Variants in CPNE3 observed in about 807,000 individuals in gnomAD.
CPNE3 encodes copine 3.
CPNE3 carries 68 observed loss-of-function variants against 63.9 expected under a neutral mutation model. The ratio of observed to expected loss-of-function variants is 1.06; its 90% CI spans 0.87 to 1.30. CPNE3 has a LOEUF of 1.30. Ranked by LOEUF, CPNE3 falls within the 50% of genes most tolerant of loss-of-function variation. The pLI, the probability that CPNE3 is intolerant of heterozygous loss-of-function variation, is 0.00. For synonymous variants in CPNE3, 219 were observed against 197.5 expected, an observed-to-expected ratio of 1.11 and a Z score of -0.91; for missense variants, 665 against 578.1, an observed-to-expected ratio of 1.15 and a Z score of -1.54.
At chr8:86,519,112 A>G (rs1024760468) in intron 2 of CPNE3, among the ~76,000 whole-genome samples, 5 of 152,332 alleles carry the variant, frequency 3.3e-5, no homozygotes, top group Middle Eastern at 3.4e-3. Flanking sequence ...AAATGAACCT[A>G]TGATGAACTG....
chr8:86,548,348 C>T lies in CPNE3; in HGVS notation c.927C>T (p.Asp309=). The T allele has an allele frequency of 6.2e-7, 1 of 1,614,104 alleles. No individual in the cohort carries two copies. The highest frequency in any genetic ancestry group is 8.5e-7 in the Non-Finnish European group (1 of 1,179,962). Residue 309 remains aspartate, a synonymous_variant, in exon 12 of 17, where the codon GAC becomes GAT. Transcript: ENST00000517490. ...TGSNGDPRSP[D]SLHYISPNGV... is the part of the protein sequence containing the mutation. ...CCAATGGTGACCCAAGGTCTCCAGACTCCCTTCATTACATCAGCCCCAATG... is the reference window on the plus strand; with the variant it reads ...CCAATGGTGACCCAAGGTCTCCAGATTCCCTTCATTACATCAGCCCCAATG...
Position 86,536,419 on chromosome 8 carries a change from A to G in CPNE3, c.460-1144A>G, listed in dbSNP as rs372404064. Among the ~76,000 whole-genome samples the G allele has an allele frequency of 4.6e-5, 7 of 151,576 alleles. No homozygotes were observed. The East Asian group carries it at 7.7e-4, about 17-fold the overall frequency. On this transcript the variant is annotated intron_variant, in intron 6 of 16. Transcript: ENST00000517490. ...CTAGCAACTTAACCTTCAAACAAGT[A>G]TTGGTTTTTAGCCTTCAAAATAATA... is the stretch of plus-strand genomic sequence containing the variant.
At chr8:86,551,985 A>G (rs1031311763) in intron 14 of CPNE3, among the ~76,000 whole-genome samples, 3 of 152,140 alleles carry the variant, frequency 2.0e-5, no homozygotes, top group Non-Finnish European at 2.9e-5. Flanking sequence ...TTTTTTCCTT[A>G]TACCTCAAGT....
intron 2 of CPNE3, among the ~76,000 whole-genome samples, chr8:86,519,067 C>T (rs1820376651): frequency 6.6e-6 from 1 of 152,164 alleles, no homozygotes; most frequent in Non-Finnish European, 1.5e-5. Flanking sequence ...TGGCCCAACC[C>T]TGCTTCTATT....
At chr8:86,557,241 C>T (rs1226036045) in intron 16 of CPNE3, among the ~76,000 whole-genome samples, 1 of 152,164 alleles carries the variant, frequency 6.6e-6, no homozygotes, top group East Asian at 1.9e-4. Context: ...TCAAGTGATT[C>T]TCATGCCTCA....
intron 2 of CPNE3, among the ~76,000 whole-genome samples, chr8:86,517,896 T>C (rs1820350991): frequency 6.6e-6 from 1 of 152,226 alleles, no homozygotes; most frequent in Non-Finnish European, 1.5e-5. Flanking sequence ...AATAGTACTA[T>C]TAAACTGCTC....
At chr8:86,536,838 C>A (rs1046140442) in intron 6 of CPNE3, among the ~76,000 whole-genome samples, 6 of 152,098 alleles carry the variant, frequency 3.9e-5, no homozygotes, top group African/African-American at 1.4e-4. Context: ...TGAATTTTAT[C>A]TCTCTGTATG....
intron 2 of CPNE3, among the ~76,000 whole-genome samples, chr8:86,526,160 G>C (rs1012240710): frequency 3.9e-5 from 6 of 152,052 alleles, no homozygotes; most frequent in Non-Finnish European, 7.4e-5. Context: ...CCTGGGAGGC[G>C]GAGGCTACAG....
intron 2 of CPNE3, among the ~76,000 whole-genome samples, chr8:86,523,641 A>C (rs6651268): frequency 0.24 from 36,224 of 152,128 alleles, 4,488 homozygotes; most frequent in Non-Finnish European, 0.27. Context: ...GCTGGAGTGC[A>C]GTGGTACCAT....
At chr8:86,544,029 T>C (rs1820998500) in intron 8 of CPNE3, among the ~76,000 whole-genome samples, 3 of 152,080 alleles carry the variant, frequency 2.0e-5, no homozygotes, top group Admixed American at 1.3e-4. Flanking sequence ...TTCTCTCTCC[T>C]TTCAGAGAGA....
chr8:86,530,698 T>G (rs1041613511), intron 4 of CPNE3, among the ~76,000 whole-genome samples: 9 of 151,344 alleles, frequency 5.9e-5, no homozygotes, highest in Non-Finnish European at 1.3e-4. Context: ...AGATTTTTTT[T>G]TTTTTTTTTT....
intron 6 of CPNE3, among the ~76,000 whole-genome samples, chr8:86,535,064 T>G (rs934689313): frequency 2.1e-5 from 3 of 142,554 alleles, no homozygotes; most frequent in Admixed American, 2.0e-4. Context: ...CAGGAGTCTT[T>G]GGATAATTTC....
chr8:86,523,449 A>G (rs1240398733), intron 2 of CPNE3, among the ~76,000 whole-genome samples: 1 of 152,200 alleles, frequency 6.6e-6, no homozygotes, highest in African/African-American at 2.4e-5. Flanking sequence ...CCCACAGTTC[A>G]CAGTATATAG....
intron 1 of CPNE3, among the ~76,000 whole-genome samples, chr8:86,514,961 G>A (rs112722629): frequency 1.8e-4 from 27 of 152,308 alleles, no homozygotes; most frequent in African/African-American, 6.3e-4. Context: ...AGCACCACGC[G>A]GGGAGAGGGA....
Position 86,531,207 on chromosome 8 carries a change from C to A in CPNE3, c.365C>A (p.Pro122His). 2 of 1,293,006 alleles carry A rather than the reference C, an allele frequency of 1.5e-6. No individual in the cohort carries two copies. Among genetic ancestry groups the A allele is most frequent in the Non-Finnish European group, 2.3e-6 (2 of 886,532 alleles). The allele number at this position is 1,293,006 out of a possible 1,614,324, so 80.1% of individuals were successfully genotyped here. A position where few individuals can be genotyped will look rare whatever the true frequency, so the allele number is the denominator to read the frequency against. ...CCACTGGTGATGAAAACTGGCAGAC[C>A]TGCAGGAAAAGGGAGCATTACGGTA... ...TRPLVMKTGR[P>H]AGKGSITISA... The change falls in exon 5 of 17, where the codon CCT becomes CAT. Residue 122 changes from proline to histidine, a missense_variant. By Grantham distance (77) the Pro-to-His change is moderately conservative. Coordinates refer to ENST00000517490, the MANE Select transcript of CPNE3 (RefSeq NM_003909.5).
intron 14 of CPNE3, among the ~76,000 whole-genome samples, chr8:86,553,498 T>C (rs542875397): frequency 6.6e-6 from 1 of 152,216 alleles, no homozygotes; most frequent in Non-Finnish European, 1.5e-5. Flanking sequence ...ACAGTTGCTA[T>C]AATTGCCTAC....
In CPNE3 at chr8:86,560,049, C is replaced by T. The variant is rs1216652893; in HGVS notation, c.*1639C>T. 6.6e-6 allele frequency: 1 copy of T among 152,196 alleles called. No individual in the cohort carries two copies. Among genetic ancestry groups the T allele is most frequent in the African/African-American group, 2.4e-5 (1 of 41,444 alleles). The allele number at this position is 152,196 out of a possible 1,614,324, so 9.4% of individuals were successfully genotyped here. ...CTAGCCCAGATGAGCATTTACCTAC[C>T]ACCTTCCCACTTGGCTAGCTGTCCT... On this transcript the variant is annotated 3_prime_UTR_variant, in exon 17 of 17. Transcript: ENST00000517490.
At position 86,544,268 on chromosome 8, in the gene CPNE3, T is replaced by C. The variant is rs1821003212; in HGVS notation, c.634-472T>C. On this transcript the variant is annotated intron_variant, in intron 8 of 16. Coordinates refer to ENST00000517490, the MANE Select transcript of CPNE3 (RefSeq NM_003909.5). ...TCACCAGATTGCAGCTAATGAAATA[T>C]ATTTTTCATAATTCTAAAGTATCTA... Among the ~76,000 whole-genome samples, 9 of 152,330 alleles carry C rather than the reference T, an allele frequency of 5.9e-5. No homozygotes were observed. The South Asian group carries it at 1.7e-3, about 28-fold the overall frequency.
chr8:86,536,613 G>T (rs1156909356), intron 6 of CPNE3, among the ~76,000 whole-genome samples: 1 of 152,038 alleles, frequency 6.6e-6, no homozygotes. Context: ...ATTTAATACT[G>T]AAGTTAATTC....
Sources: gnomAD v4.1 joint callset for allele counts (sites outside exome capture counted in the v4.1 genomes callset) on GRCh38, gnomAD v4.1.1 for gene constraint, MANE v1.5 for transcripts, NCBI Gene and HGNC (gene_info 2026-07-23, HGNC 2026-07-21) for gene names.